Variants in NAALADL2 observed in about 807,000 individuals in gnomAD.
The protein encoded by NAALADL2 is N-acetylated alpha-linked acidic dipeptidase like 2.
A neutral mutation model predicts 87.2 loss-of-function variants in NAALADL2; 76 were observed. That is an observed-to-expected ratio of 0.87 (90% CI 0.72 to 1.05). The LOEUF (loss-of-function observed/expected upper bound fraction) is 1.05. NAALADL2 is among the 50% of genes least tolerant of loss of function. The pLI, the probability that NAALADL2 is intolerant of heterozygous loss-of-function variation, is 0.00. For synonymous variants in NAALADL2, 354 were observed against 331.0 expected (o/e 1.07, Z -0.75); for missense variants, 1,089 against 945.8 (o/e 1.15, Z -1.99).
intron 2 of NAALADL2, among the ~76,000 whole-genome samples, chr3:174,577,839 A>C (rs1192634169): frequency 2.6e-5 from 4 of 152,076 alleles, no homozygotes; most frequent in Non-Finnish European, 5.9e-5. Context: ...ACTATCTGAC[A>C]AGAACATTAA....
chr3:175,390,912 C>T (rs1282499012), intron 5 of NAALADL2, among the ~76,000 whole-genome samples: 2 of 152,040 alleles, frequency 1.3e-5, no homozygotes, highest in African/African-American at 4.8e-5. Flanking sequence ...TAAGTAGCAC[C>T]TTTATCAGCA....
intron 2 of NAALADL2, among the ~76,000 whole-genome samples, chr3:175,101,562 A>T (rs1722184098): frequency 6.6e-6 from 1 of 152,224 alleles, no homozygotes; most frequent in African/African-American, 2.4e-5. Flanking sequence ...CACATATATA[A>T]TTGCTGTTTT....
chr3:174,747,621 C>CAAAAAAAAAAAAAA (rs150843588), intron 3 of NAALADL2, among the ~76,000 whole-genome samples: 1 of 38,660 alleles, frequency 2.6e-5, no homozygotes, highest in Non-Finnish European at 4.3e-5. Flanking sequence ...GACCCCATCT[C>CAAAAAAAAAAAAAA]AAAAAAAAAA....
At chr3:174,588,155 G>C (rs1203709755) in intron 2 of NAALADL2, among the ~76,000 whole-genome samples, 3 of 151,848 alleles carry the variant, frequency 2.0e-5, no homozygotes, top group Admixed American at 6.6e-5. Flanking sequence ...TCTTTTACTT[G>C]ATCGTATCAG....
At chr3:175,222,057 A>G (rs1743461499) in intron 2 of NAALADL2, among the ~76,000 whole-genome samples, 1 of 152,030 alleles carries the variant, frequency 6.6e-6, no homozygotes, top group Admixed American at 6.6e-5. Context: ...GTCAGTGGTT[A>G]TTTTTGTGAA....
rs543208438 is a variant in NAALADL2, at chr3:175,544,176, A to T, written c.1654-31865A>T. ...AATGGGTGGCTTTGAGCAAACTGTA[A>T]TAACTTTATAATTGCTAGACAAAGC... On this transcript the variant is annotated intron_variant, in intron 9 of 13. Coordinates refer to ENST00000454872, the MANE Select transcript of NAALADL2 (RefSeq NM_207015.3). Among the ~76,000 whole-genome samples, 17 of 152,318 alleles carry T rather than the reference A, an allele frequency of 1.1e-4. 1 individual carries two copies. The highest frequency in any genetic ancestry group is 3.4e-3 in the Middle Eastern group (1 of 294).
intron 11 of NAALADL2, among the ~76,000 whole-genome samples, chr3:175,729,336 G>C (rs1382713888): frequency 4.6e-5 from 7 of 152,082 alleles, no homozygotes; most frequent in Non-Finnish European, 1.0e-4. Flanking sequence ...TCTACTATTT[G>C]TCATGGTGTC....
rs879621955 is a variant in NAALADL2 at position 175,780,941 on chromosome 3, CTTAT to C, written c.2190-22057_2190-22054del. Reference sequence around the variant, plus strand: ...CCTTTGGGCTCAACTCTTTAATAATCTTATTTATTTTCAAAAGGCACATGAGAGA... The same window carrying C: ...CCTTTGGGCTCAACTCTTTAATAATCTTATTTTCAAAAGGCACATGAGAGA... On this transcript the variant is annotated intron_variant, in intron 13 of 13. Coordinates refer to ENST00000454872, the MANE Select transcript of NAALADL2 (RefSeq NM_207015.3). Among the ~76,000 whole-genome samples the C allele has an allele frequency of 2.2e-3, 333 of 152,208 alleles. 3 individuals are homozygous for C. The highest frequency in any genetic ancestry group is 7.6e-3 in the African/African-American group (315 of 41,528).
chr3:175,511,765 C>T (rs916447145), intron 9 of NAALADL2, among the ~76,000 whole-genome samples: 1 of 152,182 alleles, frequency 6.6e-6, no homozygotes, highest in Non-Finnish European at 1.5e-5. Flanking sequence ...AATTCTACCT[C>T]AGGGATAGAG....
chr3:174,644,546 C>T (rs1028330859), intron 2 of NAALADL2, among the ~76,000 whole-genome samples: 2 of 151,740 alleles, frequency 1.3e-5, no homozygotes, highest in Non-Finnish European at 2.9e-5. Flanking sequence ...TAGTTTAAAC[C>T]CATGCAGTTT....
At chr3:175,211,525 C>A (rs951313461) in intron 2 of NAALADL2, among the ~76,000 whole-genome samples, 1 of 151,882 alleles carries the variant, frequency 6.6e-6, no homozygotes, top group African/African-American at 2.4e-5. Flanking sequence ...GTATTTAAAA[C>A]ACTTACATAT....
chr3:174,622,235 T>C (rs1453861167), intron 2 of NAALADL2, among the ~76,000 whole-genome samples: 1 of 152,174 alleles, frequency 6.6e-6, no homozygotes, highest in Non-Finnish European at 1.5e-5. Flanking sequence ...AAGGGTCTTC[T>C]TAGAATGAAG....
At chr3:175,497,102 C>G (rs907964073) in intron 9 of NAALADL2, among the ~76,000 whole-genome samples, 3 of 152,024 alleles carry the variant, frequency 2.0e-5, no homozygotes, top group African/African-American at 7.2e-5. Context: ...GAGACAGGTT[C>G]TCACTCTATT....
intron 2 of NAALADL2, among the ~76,000 whole-genome samples, chr3:174,641,517 G>C (rs1723185461): frequency 6.6e-6 from 1 of 152,202 alleles, no homozygotes; most frequent in East Asian, 1.9e-4. Context: ...CACACACCGT[G>C]TTAACGATGC....
intron 11 of NAALADL2, among the ~76,000 whole-genome samples, chr3:175,704,496 A>G (rs1276942752): frequency 6.6e-6 from 1 of 152,152 alleles, no homozygotes; most frequent in African/African-American, 2.4e-5. Context: ...CAGCACAATA[A>G]AAATATGAAC....
intron 10 of NAALADL2, among the ~76,000 whole-genome samples, chr3:175,584,953 T>A (rs1204638301): frequency 6.6e-6 from 1 of 152,160 alleles, no homozygotes; most frequent in Non-Finnish European, 1.5e-5. Context: ...ACACTAAATT[T>A]ATTTTAAAAA....
intron 1 of NAALADL2, among the ~76,000 whole-genome samples, chr3:174,994,680 G>A (rs1747193018): frequency 6.6e-6 from 1 of 152,076 alleles, no homozygotes; most frequent in South Asian, 2.1e-4. Flanking sequence ...AAAACGACTG[G>A]TAATGGAGAC....
intron 7 of NAALADL2, among the ~76,000 whole-genome samples, chr3:175,466,468 T>C (rs1046348017): frequency 6.6e-6 from 1 of 152,154 alleles, no homozygotes; most frequent in African/African-American, 2.4e-5. Context: ...TGAATTTTAT[T>C]TTTTTTCTTC....
intron 4 of NAALADL2, among the ~76,000 whole-genome samples, chr3:175,276,867 C>G (rs1158138741): frequency 2.6e-5 from 4 of 152,180 alleles, no homozygotes; most frequent in Middle Eastern, 3.4e-3. Flanking sequence ...TATTCCCCAA[C>G]TCACTTCACC....
Sources: allele counts gnomAD v4.1 joint callset (sites outside exome capture counted in the v4.1 genomes callset), GRCh38; gene constraint gnomAD v4.1.1; transcripts MANE v1.5; gene names NCBI Gene and HGNC (gene_info 2026-07-23, HGNC 2026-07-21).